SLCO3A1: variants seen among roughly 807,000 people sequenced by gnomAD.
The protein encoded by SLCO3A1 is PGE1 transporter.
Under a neutral mutation model 63.1 loss-of-function variants are expected in SLCO3A1, and 27 were observed. The observed-to-expected ratio is 0.43, with a 90% confidence interval of 0.32 to 0.59. SLCO3A1 has a LOEUF of 0.59. SLCO3A1 is among the 20% of genes least tolerant of loss of function. The pLI, the probability that SLCO3A1 is intolerant of heterozygous loss-of-function variation, is 0.09. For missense variants in SLCO3A1, 773 were observed against 945.8 expected (o/e 0.82, Z 2.40); for synonymous variants, 473 against 409.9 (o/e 1.15, Z -1.86).
chr15:92,028,883 C>A (rs1036206337), intron 2 of SLCO3A1, among the ~76,000 whole-genome samples: 1 of 115,688 alleles, frequency 8.6e-6, no homozygotes, highest in East Asian at 2.5e-4. Context: ...GAGATCTTGA[C>A]GTTCTTGTTT....
In SLCO3A1 at chr15:92,126,085, G is replaced by T; in HGVS notation, c.1199G>T (p.Cys400Phe). 6.2e-7 allele frequency: 1 copy of T among 1,613,806 alleles called. No individual in the cohort carries two copies. ...GGGATGACTGCGATCCCGTGTGCTT[G>T]TCTGGGTATCTTCCTGGGAGGTCTT... ...LLGMTAIPCA[C>F]LGIFLGGLLV... is the part of the protein sequence containing the mutation. Residue 400 changes from cysteine (C) to phenylalanine (F), a missense_variant, in exon 6 of 10, where the codon TGT (cysteine) becomes TTT (phenylalanine). This residue lies in a region of SLCO3A1 where 565 missense variants were observed against 749.8 expected (regional missense o/e 0.75). Coordinates refer to ENST00000318445, the MANE Select transcript of SLCO3A1 (RefSeq NM_013272.4).
Position 91,950,935 on chromosome 15 carries a change from C to G in SLCO3A1, c.646+34477C>G, listed in dbSNP as rs1159083444. On this transcript the variant is annotated intron_variant, in intron 2 of 9. Transcript: ENST00000318445. This position sits in a 1 kb window ranked among gnomAD's most constrained non-coding sequence, Gnocchi z 4.4. ...GAAAAAAAAAAAAGTATTTCTCTGG[C>G]TTTCACTTCATTTGACAGGTGAGCT... Among the ~76,000 whole-genome samples, 1 of 152,084 alleles carries G rather than the reference C, an allele frequency of 6.6e-6. No individual in the cohort carries two copies. Among genetic ancestry groups the G allele is most frequent in the African/African-American group, 2.4e-5 (1 of 41,402 alleles).
intron 7 of SLCO3A1, among the ~76,000 whole-genome samples, chr15:92,135,373 C>T (rs139356984): frequency 6.6e-6 from 1 of 152,256 alleles, no homozygotes; most frequent in African/African-American, 2.4e-5. Flanking sequence ...CCACAGGTTA[C>T]CGGGGTGCAA....
intron 2 of SLCO3A1, among the ~76,000 whole-genome samples, chr15:91,988,790 A>G (rs547440373): frequency 2.3e-4 from 35 of 152,302 alleles, no homozygotes; most frequent in Admixed American, 4.6e-4. Context: ...TCATTGCATC[A>G]CTCATATATG....
chr15:92,148,323 T>C (rs1446910539), intron 8 of SLCO3A1, among the ~76,000 whole-genome samples: 1 of 152,192 alleles, frequency 6.6e-6, no homozygotes, highest in Non-Finnish European at 1.5e-5. Flanking sequence ...AAGTACCCAG[T>C]GTCCATGCAC....
At chr15:92,126,586 A>G (rs746885645) in intron 6 of SLCO3A1, among the ~76,000 whole-genome samples, 4 of 152,224 alleles carry the variant, frequency 2.6e-5, no homozygotes, top group Non-Finnish European at 4.4e-5. Context: ...TCAGCTCAAA[A>G]TAAAAGACAG....
intron 3 of SLCO3A1, among the ~76,000 whole-genome samples, chr15:92,099,379 A>G (rs1190029583): frequency 6.6e-6 from 1 of 151,912 alleles, no homozygotes; most frequent in Non-Finnish European, 1.5e-5. Context: ...ACTTAATGAT[A>G]CTCTTGGAAT....
Position 91,962,401 on chromosome 15 carries a change from C to T in SLCO3A1, c.646+45943C>T, listed in dbSNP as rs28742009. Among the ~76,000 whole-genome samples, 698 of 149,104 alleles carry T rather than the reference C, an allele frequency of 4.7e-3. 4 individuals are homozygous for T. Among genetic ancestry groups the T allele is most frequent in the Middle Eastern group, 0.017 (5 of 288 alleles). On this transcript the variant is annotated intron_variant, in intron 2 of 9. Coordinates refer to ENST00000318445, the MANE Select transcript of SLCO3A1 (RefSeq NM_013272.4). ...GGCTGAGGCAGGAAAATCACTTGAA[C>T]CCAGGAGACAGAGGTTGCGGTGAAC...
At position 91,883,617 on chromosome 15, in the gene SLCO3A1, T is replaced by C. The variant is rs567701358; in HGVS notation, c.180+29529T>C. ...GTGGCTGTGGGTTATAAATTCCAAG[T>C]TGTGATTTATAAGCCTTAATAGTTA... is the stretch of plus-strand genomic sequence containing the variant. On this transcript the variant is annotated intron_variant, in intron 1 of 9. Transcript: ENST00000318445. This position sits in a 1 kb window ranked among gnomAD's most constrained non-coding sequence, Gnocchi z 4.8. Among the ~76,000 whole-genome samples, 1 of 152,226 alleles carries C rather than the reference T, an allele frequency of 6.6e-6. No individual in the cohort carries two copies. Among genetic ancestry groups the C allele is most frequent in the African/African-American group, 2.4e-5 (1 of 41,452 alleles).
intron 6 of SLCO3A1, 150 bp downstream of exon 6, chr15:92,126,409 A>G: frequency 1.5e-6 from 1 of 652,118 alleles, no homozygotes; most frequent in Non-Finnish European, 2.7e-6. Context: ...ACGTTGGAGA[A>G]TCAGTAGAAC....
chr15:92,108,742 T>C (rs1178559259), intron 4 of SLCO3A1, among the ~76,000 whole-genome samples: 1 of 152,162 alleles, frequency 6.6e-6, no homozygotes, highest in East Asian at 1.9e-4. Flanking sequence ...GGCAGTCTCT[T>C]GTTTGCTGCT....
intron 3 of SLCO3A1, among the ~76,000 whole-genome samples, chr15:92,101,825 G>A (rs187169121): frequency 7.2e-5 from 11 of 152,280 alleles, no homozygotes; most frequent in Admixed American, 6.5e-4. Flanking sequence ...GGTGGCAGGC[G>A]GGCTTTGGTT....
intron 7 of SLCO3A1, among the ~76,000 whole-genome samples, chr15:92,143,864 G>T (rs1596141729): frequency 6.6e-6 from 1 of 152,110 alleles, no homozygotes; most frequent in African/African-American, 2.4e-5. Flanking sequence ...GGGTGAGTCA[G>T]AGCTCAGGGG....
intron 2 of SLCO3A1, among the ~76,000 whole-genome samples, chr15:92,001,004 C>G (rs2046248171): frequency 6.6e-6 from 1 of 152,192 alleles, no homozygotes; most frequent in African/African-American, 2.4e-5. Context: ...ATCTTTGTCT[C>G]TGCCTCCTAA....
At position 92,164,492 on chromosome 15, in the gene SLCO3A1, C is replaced by T. The variant is rs1316363952; in HGVS notation, c.*1357C>T. The T allele has an allele frequency of 1.3e-5, 13 of 985,256 alleles. No individual in the cohort carries two copies. Among genetic ancestry groups the T allele is most frequent in the East Asian group, 1.1e-4 (1 of 8,826 alleles). 61.0% of individuals were successfully genotyped at this position (985,256 alleles called of 1,614,324 possible). A position where few individuals can be genotyped will look rare whatever the true frequency, so the allele number is the denominator to read the frequency against. On this transcript the variant is annotated 3_prime_UTR_variant, in exon 10 of 10. Coordinates refer to ENST00000318445, the MANE Select transcript of SLCO3A1 (RefSeq NM_013272.4). ...TATTCATGCTTGACATTCCAAGAGGCGTTCTTTTCAGCCTGTGGAGGAGAC... is the reference window on the plus strand; with the variant it reads ...TATTCATGCTTGACATTCCAAGAGGTGTTCTTTTCAGCCTGTGGAGGAGAC...
At position 92,104,440 on chromosome 15, in the gene SLCO3A1, A is replaced by C; in HGVS notation, c.907A>C (p.Met303Leu). The part of the protein sequence containing the change: ...SEPAMESEQA[M>L]LSEREYERPK... ...GCCCGCCATGGAAAGCGAGCAGGCCATGCTCTCCGAAAGAGAATACGAGAG... is the reference window on the plus strand; with the variant it reads ...GCCCGCCATGGAAAGCGAGCAGGCCCTGCTCTCCGAAAGAGAATACGAGAG... The change falls in exon 4 of 10, where the codon ATG becomes CTG. Residue 303 changes from methionine (M) to leucine (L), a missense_variant. By Grantham distance (15) the Met-to-Leu change is conservative (BLOSUM62 2). This residue lies in a region of SLCO3A1 where 565 missense variants were observed against 749.8 expected (regional missense o/e 0.75). Coordinates refer to ENST00000318445, the MANE Select transcript of SLCO3A1 (RefSeq NM_013272.4). The C allele has an allele frequency of 6.2e-7, 1 of 1,614,146 alleles. No homozygotes were observed. Among genetic ancestry groups the C allele is most frequent in the African/African-American group, 1.3e-5 (1 of 75,034 alleles).
chr15:91,880,169 C>CTAT (rs879917917), intron 1 of SLCO3A1, among the ~76,000 whole-genome samples: 4,152 of 148,358 alleles, frequency 0.028, 122 homozygotes, highest in African/African-American at 0.065. Flanking sequence ...ATCCATCCAT[C>CTAT]CATCTATCTA....
intron 9 of SLCO3A1, among the ~76,000 whole-genome samples, chr15:92,155,627 C>T (rs1333533200): frequency 7.1e-6 from 1 of 140,948 alleles, no homozygotes; most frequent in Non-Finnish European, 1.6e-5. Flanking sequence ...TGCAGGATAA[C>T]CCATCAAAAG....
chr15:91,975,341 G>A (rs929677540), intron 2 of SLCO3A1, among the ~76,000 whole-genome samples: 9 of 152,112 alleles, frequency 5.9e-5, no homozygotes, highest in African/African-American at 2.2e-4. Context: ...CCACCCCCTT[G>A]TCCCAAGCCT....
Sources: gnomAD v4.1 joint callset for allele counts (sites outside exome capture counted in the v4.1 genomes callset) on GRCh38, gnomAD v4.1.1 for gene constraint, gnomAD v4.1.1 regional missense constraint, Gnocchi (gnomAD v3.1) non-coding constraint, MANE v1.5 for transcripts, NCBI Gene and HGNC (gene_info 2026-07-23, HGNC 2026-07-21) for gene names.